The following ZNF460 variants were observed in gnomAD, a reference collection of about 807,000 sequenced individuals.
ZNF460 encodes zinc finger protein 272.
A neutral mutation model predicts 8.4 loss-of-function variants in ZNF460; 1 was observed. That is an observed-to-expected ratio of 0.12 (90% CI 0.04 to 0.56). The LOEUF (loss-of-function observed/expected upper bound fraction) is 0.56. Ranked by LOEUF, ZNF460 falls within the 20% of genes least tolerant of loss-of-function variation. ZNF460 has a pLI of 0.91. For synonymous variants in ZNF460, 262 were observed against 259.9 expected, an observed-to-expected ratio of 1.01 and a Z score of -0.08; for missense variants, 477 against 714.8, an observed-to-expected ratio of 0.67 and a Z score of 3.79.
Position 57,280,750 on chromosome 19 carries a change from G to C in ZNF460, c.-57G>C. On this transcript the variant is annotated 5_prime_UTR_variant, in exon 1 of 3. Coordinates refer to ENST00000360338, the MANE Select transcript of ZNF460 (RefSeq NM_006635.4). ...GCTCGGAGTGCGAAAGTCAGCCGAG[G>C]TCGCCCCGCCCAGGACAGAGAAGGG... 6.2e-7 allele frequency: 1 copy of C among 1,609,398 alleles called. No homozygotes were observed. Among genetic ancestry groups the C allele is most frequent in the Non-Finnish European group, 8.5e-7 (1 of 1,177,746 alleles).
intron 2 of ZNF460, 110 bp from the exon 3 acceptor site, chr19:57,290,589 A>G (rs1201294475): frequency 9.1e-7 from 1 of 1,096,418 alleles, no homozygotes. Flanking sequence ...ATCAAATCAT[A>G]GCTATTTTCA....
Position 57,280,542 on chromosome 19 carries a change from G to T in ZNF460, c.-265G>T, listed in dbSNP as rs988937628. 1.1e-5 allele frequency: 6 copies of T among 552,502 alleles called. No homozygotes were observed. Among genetic ancestry groups the T allele is most frequent in the Non-Finnish European group, 1.9e-5 (6 of 307,998 alleles). The allele number at this position is 552,502 out of a possible 1,614,324, so 34.2% of individuals were successfully genotyped here. On this transcript the variant is annotated 5_prime_UTR_variant, in exon 1 of 3. Coordinates refer to ENST00000360338, the MANE Select transcript of ZNF460 (RefSeq NM_006635.4). ...CGCGTTCTGCGGCCTGAGCAGGGAC[G>T]GGTAGTGAAGCGGTTACGCCCCTTC... is the stretch of plus-strand genomic sequence containing the variant.
chr19:57,287,713 C>T (rs2087889196), intron 2 of ZNF460, among the ~76,000 whole-genome samples: 1 of 152,162 alleles, frequency 6.6e-6, no homozygotes, highest in African/African-American at 2.4e-5. Flanking sequence ...TCCATTGCTC[C>T]ACATCTTCAT....
At position 57,291,247 on chromosome 19, in the gene ZNF460, A is replaced by G; in HGVS notation, c.706A>G (p.Arg236Gly). 6.2e-7 allele frequency: 1 copy of G among 1,614,116 alleles called. No homozygotes were observed. Among genetic ancestry groups the G allele is most frequent in the Non-Finnish European group, 8.5e-7 (1 of 1,180,022 alleles). ...CLECGKDFNRRSHLTRHQRTH... is the reference protein window; with the variant it reads ...CLECGKDFNRGSHLTRHQRTH... ...GGAGTGTGGGAAAGACTTCAACCGC[A>G]GGTCACACCTCACACGGCACCAGCG... The change falls in exon 3 of 3, where the codon AGG (arginine) becomes GGG (glycine). Residue 236 changes from arginine (R) to glycine (G), a missense_variant. By Grantham distance (125) the Arg-to-Gly change is moderately radical. Coordinates refer to ENST00000360338, the MANE Select transcript of ZNF460 (RefSeq NM_006635.4). This position sits in a 1 kb window ranked among gnomAD's most constrained non-coding sequence, Gnocchi z 8.4.
In ZNF460 at chr19:57,291,882, G is replaced by T; in HGVS notation, c.1341G>T (p.Pro447=). Residue 447 remains proline (P), a synonymous_variant, in exon 3 of 3, where the codon CCG becomes CCT. Coordinates refer to ENST00000360338, the MANE Select transcript of ZNF460 (RefSeq NM_006635.4). The surrounding 1 kb of genome is among the most constrained non-coding windows in gnomAD (Gnocchi z 8.4). ...AGTGGATTCATACTGGAGAGAAGCC[G>T]TATGTATGCATCCAATGTGGGAAAG... ...RHQWIHTGEK[P]YVCIQCGKAF... 6.2e-7 allele frequency: 1 copy of T among 1,613,780 alleles called. No individual in the cohort carries two copies. The highest frequency in any genetic ancestry group is 8.5e-7 in the Non-Finnish European group (1 of 1,179,962).
chr19:57,286,873 C>T (rs906216767), intron 2 of ZNF460, among the ~76,000 whole-genome samples: 13 of 150,034 alleles, frequency 8.7e-5, no homozygotes, highest in South Asian at 2.1e-4. Flanking sequence ...CTGAGGCAGG[C>T]GAATCGCTTG....
chr19:57,290,811 G>C lies in ZNF460; in HGVS notation c.270G>C (p.Leu90Phe). 1 of 1,614,160 alleles carries C rather than the reference G, an allele frequency of 6.2e-7. No homozygotes were observed. Residue 90 changes from leucine to phenylalanine, a missense_variant, in exon 3 of 3, where the codon TTG (leucine) becomes TTC (phenylalanine). Coordinates refer to ENST00000360338, the MANE Select transcript of ZNF460 (RefSeq NM_006635.4). Reference sequence around the variant, plus strand: ...AGGGAGTCCCAAGATACTCCTATTTGGGGCAGGCCATGGATCAAGATGGGC... The same window carrying C: ...AGGGAGTCCCAAGATACTCCTATTTCGGGCAGGCCATGGATCAAGATGGGC... Reference protein sequence around the residue: ...LAQGVPRYSYLGQAMDQDGPS... With the variant: ...LAQGVPRYSYFGQAMDQDGPS...
At chr19:57,290,376 C>G (rs964526707) in intron 2 of ZNF460, among the ~76,000 whole-genome samples, 4 of 151,950 alleles carry the variant, frequency 2.6e-5, no homozygotes, top group Admixed American at 2.0e-4. Context: ...CTCCCAGGTT[C>G]AAGCGATTCT....
Position 57,291,049 on chromosome 19 carries a change from T to A in ZNF460, c.508T>A (p.Ser170Thr), listed in dbSNP as rs142819553. The stretch of plus-strand genomic sequence containing the variant: ...TTCCTTGATTCATGAAGGGGAAAAT[T>A]CCTATAAATTCGAGGAAATGTTTAA... The part of the protein sequence containing the change: ...TDSLIHEGEN[S>T]YKFEEMFNEN... The change falls in exon 3 of 3, where the codon TCC becomes ACC. Residue 170 changes from serine (S) to threonine (T), a missense_variant. Ser to Thr is a moderately conservative substitution (Grantham distance 58, BLOSUM62 1). Around this residue, in one of 5 missense-constraint regions of ZNF460, gnomAD observed 169 missense variants for 178.6 expected, o/e 0.95. Transcript: ENST00000360338. This position sits in a 1 kb window ranked among gnomAD's most constrained non-coding sequence, Gnocchi z 8.4. 8.9e-5 allele frequency: 143 copies of A among 1,614,182 alleles called. No homozygotes were observed. In the African/African-American group the frequency reaches 1.8e-3, roughly 21 times the overall value.
Position 57,292,392 on chromosome 19 carries a change from T to C in ZNF460, c.*162T>C. The C allele has an allele frequency of 1.4e-6, 1 of 740,266 alleles. No individual in the cohort carries two copies. Among genetic ancestry groups the C allele is most frequent in the Non-Finnish European group, 2.2e-6 (1 of 456,452 alleles). 45.9% of individuals were successfully genotyped at this position (740,266 alleles called of 1,614,324 possible). On this transcript the variant is annotated 3_prime_UTR_variant, in exon 3 of 3. Coordinates refer to ENST00000360338, the MANE Select transcript of ZNF460 (RefSeq NM_006635.4). The stretch of plus-strand genomic sequence containing the variant: ...AGAGAAACTCCATAAGTATCATCTC[T>C]GTGGGAAAACCTGTTTTAGATCATC...
At position 57,292,017 on chromosome 19, in the gene ZNF460, A is replaced by G. The variant is rs773358592; in HGVS notation, c.1476A>G (p.Thr492=). ...GKAFNRRSPL[T]RHQRIHTAEK... ...CCTTCAACCGCAGGTCACCCCTCAC[A>G]AGGCACCAGCGGATTCACACTGCAG... is the stretch of plus-strand genomic sequence containing the variant. Residue 492 remains threonine (T), a synonymous_variant, in exon 3 of 3, where the codon ACA becomes ACG. Transcript: ENST00000360338. 22 of 1,614,164 alleles carry G rather than the reference A, an allele frequency of 1.4e-5. No homozygotes were observed. Among genetic ancestry groups the G allele is most frequent in the Non-Finnish European group, 1.8e-5 (21 of 1,180,024 alleles).
At position 57,288,283 on chromosome 19, in the gene ZNF460, G is replaced by A. The variant is rs146815877; in HGVS notation, c.158-2416G>A. ...AGTGGCACCATCATAGCTCACTGTA[G>A]CCTCAAACTCCTGGGCTCAAGCAGT... On this transcript the variant is annotated intron_variant, in intron 2 of 2. Coordinates refer to ENST00000360338, the MANE Select transcript of ZNF460 (RefSeq NM_006635.4). 1.1e-4 allele frequency among the ~76,000 whole-genome samples: 17 copies of A among 152,236 alleles called. No individual in the cohort carries two copies. The East Asian group carries it at 3.3e-3, about 29-fold the overall frequency.
intron 2 of ZNF460, among the ~76,000 whole-genome samples, chr19:57,287,862 G>A (rs548831365): frequency 2.0e-5 from 3 of 152,234 alleles, no homozygotes; most frequent in African/African-American, 7.2e-5. Context: ...GGTGGCAGGT[G>A]CCTATCATCT....
In ZNF460 at chr19:57,280,696, G is replaced by A; in HGVS notation, c.-111G>A. 1 of 1,493,366 alleles carries A rather than the reference G, an allele frequency of 6.7e-7. No individual in the cohort carries two copies. The highest frequency in any genetic ancestry group is 9.1e-7 in the Non-Finnish European group (1 of 1,096,998). 92.5% of individuals were successfully genotyped at this position (1,493,366 alleles called of 1,614,324 possible). ...GCCCCGACGCTGCGCCTTGGGCCTT[G>A]TGCGCATTTTTTTCGGGGGAAAACT... On this transcript the variant is annotated 5_prime_UTR_variant, in exon 1 of 3. In the 5' UTR this introduces an upstream ATG that the reference lacks. Coordinates refer to ENST00000360338, the MANE Select transcript of ZNF460 (RefSeq NM_006635.4).
chr19:57,283,767 G>A (rs1052732428), intron 1 of ZNF460, among the ~76,000 whole-genome samples: 1 of 151,972 alleles, frequency 6.6e-6, no homozygotes, highest in Non-Finnish European at 1.5e-5. Flanking sequence ...CTCCCAGAGT[G>A]CTGGGATTAC....
At chr19:57,284,977 C>T (rs7249845) in intron 2 of ZNF460, among the ~76,000 whole-genome samples, 32,195 of 151,804 alleles carry the variant, frequency 0.21, 4,239 homozygotes, top group African/African-American at 0.37. Context: ...CTCCCATGCC[C>T]AGCTAATTTT....
chr19:57,292,393 G>T lies in ZNF460; in HGVS notation c.*163G>T. The T allele has an allele frequency of 1.4e-6, 1 of 729,582 alleles. No homozygotes were observed. Among genetic ancestry groups the T allele is most frequent in the Non-Finnish European group, 2.2e-6 (1 of 448,044 alleles). The allele number at this position is 729,582 out of a possible 1,614,324, so 45.2% of individuals were successfully genotyped here. On this transcript the variant is annotated 3_prime_UTR_variant, in exon 3 of 3. Coordinates refer to ENST00000360338, the MANE Select transcript of ZNF460 (RefSeq NM_006635.4). ...GAGAAACTCCATAAGTATCATCTCT[G>T]TGGGAAAACCTGTTTTAGATCATCA...
Position 57,292,205 on chromosome 19 carries a change from T to C in ZNF460, c.1664T>C (p.Ile555Thr), listed in dbSNP as rs1378724406. ...HSSSLDINGFIVEETLPL is the reference protein window; with the variant it reads ...HSSSLDINGFTVEETLPL ...TCCTCACTCGACATCAACGGATTCA[T>C]AGTGGAAGAAACCCTACCATTGTAA... The change falls in exon 3 of 3, where the codon ATA becomes ACA. Residue 555 changes from isoleucine (I) to threonine (T), a missense_variant. By Grantham distance (89) the Ile-to-Thr change is moderately conservative. Coordinates refer to ENST00000360338, the MANE Select transcript of ZNF460 (RefSeq NM_006635.4). 3 of 1,613,064 alleles carry C rather than the reference T, an allele frequency of 1.9e-6. No homozygotes were observed. Among genetic ancestry groups the C allele is most frequent in the Non-Finnish European group, 8.5e-7 (1 of 1,179,082 alleles).
chr19:57,284,637 G>A lies in ZNF460; in HGVS notation c.117G>A (p.Val39=), dbSNP rs554794888. ...QLDVTQRALY[V]EVMLETCGLL... The stretch of plus-strand genomic sequence containing the variant: ...ACGTGACCCAGAGGGCCTTGTACGT[G>A]GAGGTGATGCTGGAGACCTGTGGGC... The change falls in exon 2 of 3, where the codon GTG becomes GTA. Residue 39 remains valine, a synonymous_variant. Transcript: ENST00000360338. The A allele has an allele frequency of 3.1e-6, 5 of 1,613,322 alleles. No individual in the cohort carries two copies. In the South Asian group the frequency reaches 4.4e-5, roughly 14 times the overall value.
Sources: gnomAD v4.1 joint callset for allele counts (sites outside exome capture counted in the v4.1 genomes callset) on GRCh38, gnomAD v4.1.1 for gene constraint, gnomAD v4.1.1 regional missense constraint, Gnocchi (gnomAD v3.1) non-coding constraint, MANE v1.5 for transcripts, NCBI Gene and HGNC (gene_info 2026-07-23, HGNC 2026-07-21) for gene names.